SERPINA4: variants seen among roughly 807,000 people sequenced by gnomAD.
The protein encoded by SERPINA4 is kallistatin.
Under a neutral mutation model 25.4 loss-of-function variants are expected in SERPINA4, and 24 were observed. That is an observed-to-expected ratio of 0.95 (90% CI 0.69 to 1.33). The LOEUF (loss-of-function observed/expected upper bound fraction) is 1.33, where lower values mean the gene tolerates loss of function less well. Ranked by LOEUF, SERPINA4 falls within the 40% of genes most tolerant of loss-of-function variation. The pLI is 0.00. For missense variants in SERPINA4, 553 were observed against 535.8 expected (o/e 1.03, Z -0.32); for synonymous variants, 242 against 223.6 (o/e 1.08, Z -0.73).
chr14:94,563,381 CG>C, intron 1 of SERPINA4, 84 bp from the exon 2 acceptor site: 2 of 1,408,076 alleles, frequency 1.4e-6, no homozygotes, highest in Non-Finnish European at 1.9e-6. Flanking sequence ...TCACGATCTC[CG>C]GGTGCTGGCC....
rs146463477 is a variant in SERPINA4, at chr14:94,566,829, A to T, written c.650-141A>T. The T allele has an allele frequency of 1.5e-4, 140 of 955,434 alleles. No individual in the cohort carries two copies. The East Asian group carries it at 3.2e-3, about 22-fold the overall frequency. 59.2% of individuals were successfully genotyped at this position (955,434 alleles called of 1,614,324 possible). On this transcript the variant is annotated intron_variant, in intron 2 of 4. Coordinates refer to ENST00000557004, the MANE Select transcript of SERPINA4 (RefSeq NM_006215.4). ...GCATGTCAGGTTTTGAATGGTCAAAATGGGACATCTTGATGGGCTCATAGG... is the reference window on the plus strand; with the variant it reads ...GCATGTCAGGTTTTGAATGGTCAAATTGGGACATCTTGATGGGCTCATAGG...
chr14:94,562,450 A>G (rs1203221725), intron 1 of SERPINA4, among the ~76,000 whole-genome samples: 2 of 152,124 alleles, frequency 1.3e-5, no homozygotes, highest in Non-Finnish European at 2.9e-5. Flanking sequence ...GCATGCCTGT[A>G]GTTCCAGCTA....
intron 1 of SERPINA4, among the ~76,000 whole-genome samples, chr14:94,562,351 G>T (rs985230190): frequency 6.6e-6 from 1 of 152,190 alleles, no homozygotes. Context: ...AGAGGCTGAA[G>T]AACCTACAGG....
intron 4 of SERPINA4, 133 bp downstream of exon 4, chr14:94,568,421 C>A: frequency 1.1e-6 from 1 of 896,798 alleles, no homozygotes; most frequent in Admixed American, 2.6e-5. Flanking sequence ...CTACAGGCAT[C>A]AGCATCCACC....
At chr14:94,562,348 G>A (rs1902055853) in intron 1 of SERPINA4, among the ~76,000 whole-genome samples, 1 of 152,328 alleles carries the variant, frequency 6.6e-6, no homozygotes, top group South Asian at 2.1e-4. Flanking sequence ...GCGAGAGGCT[G>A]AAGAACCTAC....
In SERPINA4 at chr14:94,568,149, A is replaced by G. The variant is rs1369599790; in HGVS notation, c.944A>G (p.Glu315Gly). ...TTCAGGAATTTTTACAAGAAGCTAG[A>G]GTTGCATCTTCCCAAGTTCTCCATT... The part of the protein sequence containing the change: ...LRKRNFYKKL[E>G]LHLPKFSISG... The change falls in exon 4 of 5, where the codon GAG becomes GGG. Residue 315 changes from glutamate (E) to glycine (G), a missense_variant. Glu to Gly is a moderately conservative substitution (Grantham distance 98, BLOSUM62 -2). Transcript: ENST00000557004. The G allele has an allele frequency of 1.9e-6, 3 of 1,614,208 alleles. No individual in the cohort carries two copies. In the Admixed American group the frequency reaches 5.0e-5, roughly 27 times the overall value.
At chr14:94,561,620 A>T in intron 1 of SERPINA4, 126 bp downstream of exon 1, 12 of 1,253,374 alleles carry the variant, frequency 9.6e-6, no homozygotes, top group Non-Finnish European at 1.1e-5. Context: ...GGAAAGTCCC[A>T]GGCAAGCTGG....
rs1052240292 is a variant in SERPINA4 at position 94,569,680 on chromosome 14, G to A, written c.*85G>A. The A allele has an allele frequency of 1.1e-5, 16 of 1,451,032 alleles. No individual in the cohort carries two copies. Among genetic ancestry groups the A allele is most frequent in the Admixed American group, 7.0e-5 (4 of 56,992 alleles). The allele number at this position is 1,451,032 out of a possible 1,614,324, so 89.9% of individuals were successfully genotyped here. A position where few individuals can be genotyped will look rare whatever the true frequency, so the allele number is the denominator to read the frequency against. ...TGAGTAGCTCTGTGTTTAGAGTTGG[G>A]GACAAGGATGACACCGAAGGTCCAG... is the stretch of plus-strand genomic sequence containing the variant. On this transcript the variant is annotated 3_prime_UTR_variant, in exon 5 of 5. Coordinates refer to ENST00000557004, the MANE Select transcript of SERPINA4 (RefSeq NM_006215.4).
Position 94,561,449 on chromosome 14 carries a change from A to G in SERPINA4, c.-63A>G. ...AGTCCTCCTGGGCTTGATAAGACAGAGCTGAGACAGCCACCCAGGGGGTCC... is the reference window on the plus strand; with the variant it reads ...AGTCCTCCTGGGCTTGATAAGACAGGGCTGAGACAGCCACCCAGGGGGTCC... On this transcript the variant is annotated 5_prime_UTR_variant, in exon 1 of 5. Transcript: ENST00000557004. The G allele has an allele frequency of 3.0e-6, 1 of 328,038 alleles. No individual in the cohort carries two copies. Among genetic ancestry groups the G allele is most frequent in the Admixed American group, 3.8e-5 (1 of 26,304 alleles). The allele number at this position is 328,038 out of a possible 1,614,324, so 20.3% of individuals were successfully genotyped here. A position where few individuals can be genotyped will look rare whatever the true frequency, so the allele number is the denominator to read the frequency against.
intron 2 of SERPINA4, 99 bp downstream of exon 2, chr14:94,564,230 A>G: frequency 7.7e-7 from 1 of 1,295,186 alleles, no homozygotes; most frequent in Non-Finnish European, 1.1e-6. Flanking sequence ...AATGTAAGTA[A>G]AAACGTTGTG....
At chr14:94,567,422 T>C (rs952960421) in intron 3 of SERPINA4, among the ~76,000 whole-genome samples, 179 bp downstream of exon 3, 1 of 152,232 alleles carries the variant, frequency 6.6e-6, no homozygotes, top group Non-Finnish European at 1.5e-5. Flanking sequence ...ATTTAAAATA[T>C]GACTTCCCCC....
At chr14:94,565,359 A>C (rs1199653431) in intron 2 of SERPINA4, among the ~76,000 whole-genome samples, 1 of 152,190 alleles carries the variant, frequency 6.6e-6, no homozygotes, top group Non-Finnish European at 1.5e-5. Context: ...TCTGACCATC[A>C]TCATATCTGA....
At chr14:94,566,207 TA>T (rs1902202534) in intron 2 of SERPINA4, among the ~76,000 whole-genome samples, 1 of 152,214 alleles carries the variant, frequency 6.6e-6, no homozygotes, top group Admixed American at 6.5e-5. Flanking sequence ...TGCTTAAACC[TA>T]AAGGTCTAAC....
At position 94,568,182 on chromosome 14, in the gene SERPINA4, C is replaced by T. The variant is rs1258852245; in HGVS notation, c.977C>T (p.Ser326Phe). Residue 326 changes from serine to phenylalanine, a missense_variant, in exon 4 of 5, where the codon TCC (serine) becomes TTC (phenylalanine). Ser to Phe is a radical substitution (Grantham distance 155, BLOSUM62 -2). Transcript: ENST00000557004. ...CTTCCCAAGTTCTCCATTTCTGGCT[C>T]CTATGTATTAGATCAGATTTTGCCC... ...LHLPKFSISGSYVLDQILPRL... is the reference protein window; with the variant it reads ...LHLPKFSISGFYVLDQILPRL... 2 of 1,614,218 alleles carry T rather than the reference C, an allele frequency of 1.2e-6. No homozygotes were observed. The highest frequency in any genetic ancestry group is 2.2e-5 in the East Asian group (1 of 44,884).
In SERPINA4 at chr14:94,563,841, G is replaced by T. The variant is rs764474650; in HGVS notation, c.359G>T (p.Gly120Val). 6.2e-7 allele frequency: 1 copy of T among 1,614,148 alleles called. No individual in the cohort carries two copies. The highest frequency in any genetic ancestry group is 8.5e-7 in the Non-Finnish European group (1 of 1,180,040). Residue 120 changes from glycine (G) to valine (V), a missense_variant, in exon 2 of 5, where the codon GGC becomes GTC. By Grantham distance (109) the Gly-to-Val change is moderately radical (BLOSUM62 -3). Coordinates refer to ENST00000557004, the MANE Select transcript of SERPINA4 (RefSeq NM_006215.4). ...TELSESDVHR[G>V]FQHLLHTLNL... ...CTGTCTGAGTCCGATGTCCATAGGGGCTTCCAGCACCTCCTGCACACTCTC... is the reference window on the plus strand; with the variant it reads ...CTGTCTGAGTCCGATGTCCATAGGGTCTTCCAGCACCTCCTGCACACTCTC...
At chr14:94,561,743 C>T (rs1902033330) in intron 1 of SERPINA4, 4 of 1,289,656 alleles carry the variant, frequency 3.1e-6, no homozygotes, top group Admixed American at 2.3e-5. Context: ...AAAGCCTCCC[C>T]CAGGGACACA....
At chr14:94,568,801 G>C (rs546583555) in intron 4 of SERPINA4, among the ~76,000 whole-genome samples, 1 of 150,592 alleles carries the variant, frequency 6.6e-6, no homozygotes, top group East Asian at 2.0e-4. Context: ...GGCAGAGGTT[G>C]CAATGTGACC....
intron 4 of SERPINA4, 94 bp downstream of exon 4, chr14:94,568,382 A>G: frequency 7.5e-7 from 1 of 1,339,994 alleles, no homozygotes; most frequent in Non-Finnish European, 1.0e-6. Flanking sequence ...TGCCACATGG[A>G]GTCTCAGAGC....
At position 94,567,061 on chromosome 14, in the gene SERPINA4, G is replaced by A. The variant is rs1409720676; in HGVS notation, c.741G>A (p.Leu247=). ...CAACAGTCCGGGTGCCCATGATGCT[G>A]CAGGACCAGGAGCATCACTGGTATC... ...ENTTVRVPMM[L]QDQEHHWYLH... Residue 247 remains leucine (L), a synonymous_variant, in exon 3 of 5, where the codon CTG becomes CTA. Coordinates refer to ENST00000557004, the MANE Select transcript of SERPINA4 (RefSeq NM_006215.4). 1 of 1,614,210 alleles carries A rather than the reference G, an allele frequency of 6.2e-7. No homozygotes were observed. Among genetic ancestry groups the A allele is most frequent in the South Asian group, 1.1e-5 (1 of 91,082 alleles).
Sources: gnomAD v4.1 joint callset for allele counts (sites outside exome capture counted in the v4.1 genomes callset) on GRCh38, gnomAD v4.1.1 for gene constraint, MANE v1.5 for transcripts, NCBI Gene and HGNC (gene_info 2026-07-23, HGNC 2026-07-21) for gene names.